FAM227A: variants seen among roughly 807,000 people sequenced by gnomAD.
FAM227A encodes the protein family with sequence similarity 227 member A.
FAM227A carries 80 observed loss-of-function variants against 74.7 expected under a neutral mutation model. That is an observed-to-expected ratio of 1.07 (90% confidence interval 0.89 to 1.29). The LOEUF (loss-of-function observed/expected upper bound fraction) is 1.29. Among genes scored for constraint, FAM227A ranks in the 50% most tolerant of loss-of-function variants. The pLI is 0.00. For synonymous variants in FAM227A, 237 were observed against 241.8 expected, an observed-to-expected ratio of 0.98 and a Z score of 0.19; for missense variants, 654 against 683.4, an observed-to-expected ratio of 0.96 and a Z score of 0.48.
intron 6 of FAM227A, among the ~76,000 whole-genome samples, chr22:38,630,263 C>A (rs149750384): frequency 3.0e-4 from 45 of 152,356 alleles, no homozygotes; most frequent in African/African-American, 8.9e-4. Context: ...CAGGTAAGAT[C>A]GACATGCATG....
intron 1 of FAM227A, among the ~76,000 whole-genome samples, chr22:38,652,608 C>T (rs1053047928): frequency 3.7e-5 from 5 of 136,658 alleles, no homozygotes; most frequent in Non-Finnish European, 7.9e-5. Flanking sequence ...AAAAAAAGGT[C>T]GGGCGTGGTG....
chr22:38,636,941 T>C (rs1393808729), intron 5 of FAM227A, among the ~76,000 whole-genome samples: 1 of 152,046 alleles, frequency 6.6e-6, no homozygotes, highest in Non-Finnish European at 1.5e-5. Flanking sequence ...CAGCTAATTT[T>C]TTGTATTTTT....
intron 11 of FAM227A, among the ~76,000 whole-genome samples, chr22:38,608,345 T>C (rs2091335412): frequency 6.6e-6 from 1 of 151,638 alleles, no homozygotes; most frequent in African/African-American, 2.4e-5. Context: ...TAAATATAAA[T>C]ACATTTCTCT....
intron 15 of FAM227A, among the ~76,000 whole-genome samples, chr22:38,591,869 G>GCA (rs1167369426): frequency 6.6e-6 from 1 of 151,996 alleles, no homozygotes; most frequent in African/African-American, 2.4e-5. Flanking sequence ...GTGTTTTAAG[G>GCA]CACCGCTTTT....
chr22:38,648,649 G>A (rs58795432), intron 2 of FAM227A, among the ~76,000 whole-genome samples: 6,329 of 149,848 alleles, frequency 0.042, 284 homozygotes, highest in East Asian at 0.11. Flanking sequence ...TTAAAAACTC[G>A]ACAGTAAGAA....
intron 11 of FAM227A, among the ~76,000 whole-genome samples, chr22:38,609,716 G>C (rs1027204165): frequency 6.6e-6 from 1 of 152,116 alleles, no homozygotes; most frequent in Non-Finnish European, 1.5e-5. Context: ...GGTGGTTGCA[G>C]GGAAAACACT....
At position 38,599,857 on chromosome 22, in the gene FAM227A, G is replaced by A; in HGVS notation, c.1286C>T (p.Pro429Leu). ...GTTCTGGAGAAAGTACACAATCAGA[G>A]GGCTCTTCCCATAAATGTTGAAGAG... ...SNLFNIYGKSPLIVYFLQNYA... is the reference protein window; with the variant it reads ...SNLFNIYGKSLLIVYFLQNYA... The change falls in exon 14 of 17, where the codon CCT (proline) becomes CTT (leucine). Residue 429 changes from proline (P) to leucine (L), a missense_variant. Pro to Leu is a moderately conservative substitution (Grantham distance 98). Transcript: ENST00000535113. The A allele has an allele frequency of 6.4e-7, 1 of 1,551,596 alleles. No individual in the cohort carries two copies. The highest frequency in any genetic ancestry group is 8.7e-7 in the Non-Finnish European group (1 of 1,146,930).
At chr22:38,591,854 C>T (rs1015942733) in intron 15 of FAM227A, among the ~76,000 whole-genome samples, 1 of 152,144 alleles carries the variant, frequency 6.6e-6, no homozygotes, top group South Asian at 2.1e-4. Flanking sequence ...TCTAGTAGCA[C>T]AGTTGTGTTT....
chr22:38,616,815 C>G (rs946181008), intron 11 of FAM227A, among the ~76,000 whole-genome samples: 1 of 151,942 alleles, frequency 6.6e-6, no homozygotes, highest in Non-Finnish European at 1.5e-5. Flanking sequence ...GAAAGAGGGG[C>G]GCTAAGGGCA....
chr22:38,582,992 A>G lies in FAM227A; in HGVS notation c.*3133T>C. The G allele has an allele frequency of 6.5e-7, 1 of 1,541,146 alleles. No individual in the cohort carries two copies. Among genetic ancestry groups the G allele is most frequent in the Non-Finnish European group, 8.8e-7 (1 of 1,139,224 alleles). On this transcript the variant is annotated 3_prime_UTR_variant, in exon 17 of 17. Coordinates refer to ENST00000535113, the MANE Select transcript of FAM227A (RefSeq NM_001013647.2). ...GAGGAGAAGGCATTTTCAGGTCCAG[A>G]AGCAGCAACAGACAAAAGATCCAGA...
intron 10 of FAM227A, among the ~76,000 whole-genome samples, chr22:38,621,397 A>C (rs866922141): frequency 5.3e-5 from 8 of 151,772 alleles, no homozygotes; most frequent in Non-Finnish European, 1.2e-4. Context: ...AAAAAAAAAA[A>C]AACTCCCTGA....
At chr22:38,597,124 A>C (rs1464937509) in intron 15 of FAM227A, 80 bp downstream of exon 15, 3 of 1,393,276 alleles carry the variant, frequency 2.2e-6, no homozygotes, top group Non-Finnish European at 2.0e-6. Flanking sequence ...TGCCCCACCA[A>C]CCCATTTAAA....
chr22:38,613,116 T>TAA (rs1555959758), intron 11 of FAM227A, among the ~76,000 whole-genome samples: 1 of 91,130 alleles, frequency 1.1e-5, no homozygotes, highest in Non-Finnish European at 1.9e-5. Flanking sequence ...TATATATATA[T>TAA]TATATATAAT....
chr22:38,597,021 A>G (rs1426193011), intron 15 of FAM227A, among the ~76,000 whole-genome samples, 183 bp downstream of exon 15: 1 of 152,018 alleles, frequency 6.6e-6, no homozygotes, highest in African/African-American at 2.4e-5. Flanking sequence ...AAAAAAAATA[A>G]CAACAAAAAA....
intron 3 of FAM227A, among the ~76,000 whole-genome samples, chr22:38,645,123 G>C (rs1321026071): frequency 1.3e-5 from 2 of 151,928 alleles, no homozygotes; most frequent in Non-Finnish European, 2.9e-5. Context: ...CGGGCGCGGT[G>C]GCTCACGCCT....
In FAM227A at chr22:38,579,883, T is replaced by C. The variant is rs1182393428; in HGVS notation, c.*6242A>G. On this transcript the variant is annotated 3_prime_UTR_variant, in exon 17 of 17. Coordinates refer to ENST00000535113, the MANE Select transcript of FAM227A (RefSeq NM_001013647.2). ...AATGCCACATTTTGTTTCAATGGGA[T>C]CCAAATAATGTCCACATGTTGTAAT... The C allele has an allele frequency of 6.6e-6, 1 of 152,174 alleles. No homozygotes were observed. Among genetic ancestry groups the C allele is most frequent in the African/African-American group, 2.4e-5 (1 of 41,450 alleles). The allele number at this position is 152,174 out of a possible 1,614,324, so 9.4% of individuals were successfully genotyped here.
chr22:38,645,453 A>C, intron 3 of FAM227A, 110 bp downstream of exon 3: 1 of 681,748 alleles, frequency 1.5e-6, no homozygotes, highest in Admixed American at 3.1e-5. Context: ...CAATTGTGTA[A>C]ACATGTTTTC....
chr22:38,628,949 A>T lies in FAM227A; in HGVS notation c.520-14T>A. The T allele has an allele frequency of 7.4e-7, 1 of 1,359,130 alleles. No homozygotes were observed. Among genetic ancestry groups the T allele is most frequent in the Non-Finnish European group, 1.0e-6 (1 of 989,060 alleles). The allele number at this position is 1,359,130 out of a possible 1,614,324, so 84.2% of individuals were successfully genotyped here. On this transcript the variant is annotated splice_polypyrimidine_tract_variant and intron_variant, in intron 6 of 16. Transcript: ENST00000535113. ...TGAACAGAAATGCTTGGAAAAAAAA[A>T]TTCACAGTATTATTATTGTTGTTAT... is the stretch of plus-strand genomic sequence containing the variant.
chr22:38,631,243 T>G (rs1379792995), intron 6 of FAM227A, among the ~76,000 whole-genome samples: 1 of 151,816 alleles, frequency 6.6e-6, no homozygotes, highest in African/African-American at 2.4e-5. Flanking sequence ...TGCAGCAACA[T>G]AGATGGAGCT....
Sources: gnomAD v4.1 joint callset for allele counts (sites outside exome capture counted in the v4.1 genomes callset) on GRCh38, gnomAD v4.1.1 for gene constraint, MANE v1.5 for transcripts, NCBI Gene and HGNC (gene_info 2026-07-23, HGNC 2026-07-21) for gene names.